The following CSMD1 variants were observed in gnomAD, a reference collection of about 807,000 sequenced individuals.
CSMD1 encodes the protein CUB and sushi domain-containing protein 1.
CSMD1 carries 213 observed loss-of-function variants against 417.5 expected under a neutral mutation model. That is an observed-to-expected ratio of 0.51 (90% CI 0.46 to 0.57). The LOEUF (loss-of-function observed/expected upper bound fraction) is 0.57, where lower values mean the gene tolerates loss of function less well. Among genes scored for constraint, CSMD1 ranks in the 20% least tolerant of loss-of-function variants. The probability of loss-of-function intolerance (pLI) is 0.00; values close to 1 mark genes in which losing one functional copy is unlikely to be tolerated. For missense variants in CSMD1, 6,923 were observed against 4,529.7 expected, an observed-to-expected ratio of 1.53 and a Z score of -15.17; for synonymous variants, 2,862 against 1,736.8, an observed-to-expected ratio of 1.65 and a Z score of -16.11.
At chr8:4,291,134 G>C (rs1196529642) in intron 3 of CSMD1, among the ~76,000 whole-genome samples, 2 of 152,054 alleles carry the variant, frequency 1.3e-5, no homozygotes, top group East Asian at 1.9e-4. Context: ...AGGAATCTGA[G>C]TCTTAATATG....
intron 10 of CSMD1, among the ~76,000 whole-genome samples, chr8:3,502,652 G>C (rs971499971): frequency 2.6e-5 from 4 of 152,108 alleles, no homozygotes; most frequent in Non-Finnish European, 4.4e-5. Flanking sequence ...ATGACATTTC[G>C]GAGAAGGCAG....
At chr8:4,503,592 A>T (rs572669559) in intron 2 of CSMD1, among the ~76,000 whole-genome samples, 5 of 152,314 alleles carry the variant, frequency 3.3e-5, no homozygotes, top group Non-Finnish European at 5.9e-5. Flanking sequence ...AAATAAAAAT[A>T]ACTGCATTGA....
At position 3,660,555 on chromosome 8, in the gene CSMD1, C is replaced by T. The variant is rs1415174448; in HGVS notation, c.1010-43758G>A. On this transcript the variant is annotated intron_variant, in intron 7 of 69. Transcript: ENST00000635120. ...TTTTTTTTTGAAAAAAAACAAGGCC[C>T]TGCAGTCCAGGCAAGAGTGCAGTGG... is the stretch of plus-strand genomic sequence containing the variant. 2.4e-5 allele frequency among the ~76,000 whole-genome samples: 3 copies of T among 126,900 alleles called. 1 individual carries two copies. Among genetic ancestry groups the T allele is most frequent in the African/African-American group, 9.4e-5 (3 of 31,816 alleles). The allele number at this position is 126,900 out of a possible 152,430, so 83.3% of individuals were successfully genotyped here.
intron 12 of CSMD1, among the ~76,000 whole-genome samples, chr8:3,424,394 A>C (rs1813689797): frequency 6.6e-6 from 1 of 152,232 alleles, no homozygotes; most frequent in Non-Finnish European, 1.5e-5. Context: ...TACTGCATTC[A>C]TTGAGAGTGT....
At chr8:3,768,254 T>C (rs1045580455) in intron 5 of CSMD1, among the ~76,000 whole-genome samples, 3 of 152,114 alleles carry the variant, frequency 2.0e-5, no homozygotes, top group Admixed American at 6.5e-5. Context: ...CGGAGACGTA[T>C]TCCCGGGCCA....
chr8:4,412,152 G>A (rs573513648), intron 3 of CSMD1, among the ~76,000 whole-genome samples: 1 of 152,196 alleles, frequency 6.6e-6, no homozygotes, highest in South Asian at 2.1e-4. Context: ...ATATCTCAAT[G>A]TGCCTCTGAT....
At chr8:4,010,764 G>A (rs1032270933) in intron 4 of CSMD1, among the ~76,000 whole-genome samples, 6 of 152,090 alleles carry the variant, frequency 3.9e-5, no homozygotes, top group African/African-American at 1.2e-4. Flanking sequence ...ATGGCCTAAT[G>A]CACTTCCTTG....
At chr8:4,805,846 T>C (rs1396396455) in intron 1 of CSMD1, among the ~76,000 whole-genome samples, 1 of 152,114 alleles carries the variant, frequency 6.6e-6, no homozygotes, top group South Asian at 2.1e-4. Context: ...AAGCTCATTG[T>C]GGGATGCAGC....
Position 3,594,591 on chromosome 8 carries a change from G to C in CSMD1, c.1098-8331C>G, listed in dbSNP as rs534871955. ...CTATCTCCTACCTTCCTGTTTTGAA[G>C]TTGCACGGTGTCCTTCCCCAGTAGA... On this transcript the variant is annotated intron_variant, in intron 8 of 69. Transcript: ENST00000635120. Among the ~76,000 whole-genome samples the C allele has an allele frequency of 1.4e-4, 22 of 152,272 alleles. 1 individual carries two copies. In the South Asian group the frequency reaches 4.1e-3, roughly 29 times the overall value.
At chr8:3,890,773 C>A (rs1233902828) in intron 5 of CSMD1, among the ~76,000 whole-genome samples, 2 of 152,062 alleles carry the variant, frequency 1.3e-5, no homozygotes, top group Non-Finnish European at 2.9e-5. Context: ...AATGTTTGAG[C>A]AAATTTTTGT....
intron 2 of CSMD1, among the ~76,000 whole-genome samples, chr8:4,570,982 G>C (rs918691422): frequency 2.0e-5 from 3 of 152,048 alleles, no homozygotes; most frequent in African/African-American, 7.2e-5. Flanking sequence ...TGGGATTGGT[G>C]GTGATATCCC....
intron 5 of CSMD1, among the ~76,000 whole-genome samples, chr8:3,838,706 TA>T: frequency 1.0e-5 from 1 of 96,104 alleles, no homozygotes; most frequent in East Asian, 3.2e-4. Flanking sequence ...AAATATTATA[TA>T]GTATAATATA....
chr8:4,013,699 T>C (rs190665075), intron 4 of CSMD1, among the ~76,000 whole-genome samples: 1 of 152,238 alleles, frequency 6.6e-6, no homozygotes. Flanking sequence ...TTGTTCATAT[T>C]GTAGCCCCAG....
chr8:3,499,167 G>A (rs955434461), intron 10 of CSMD1, among the ~76,000 whole-genome samples: 6 of 152,158 alleles, frequency 3.9e-5, no homozygotes, highest in Admixed American at 6.5e-5. Flanking sequence ...TCCTGTAGAT[G>A]TGTCTCATAG....
chr8:4,446,737 G>GTGTGTGTGTGTGTGTGTC (rs879914690), intron 2 of CSMD1, among the ~76,000 whole-genome samples: 1 of 123,592 alleles, frequency 8.1e-6, no homozygotes, highest in African/African-American at 3.3e-5. Flanking sequence ...GTGTGTCTGT[G>GTGTGTGTGTGTGTGTGTC]TGTGTGTGTG....
chr8:3,040,544 C>A (rs1207299921), intron 50 of CSMD1, among the ~76,000 whole-genome samples: 2 of 151,788 alleles, frequency 1.3e-5, no homozygotes, highest in East Asian at 3.9e-4. Context: ...GTGGCTCATG[C>A]CTGTAATCCC....
At chr8:3,453,336 T>C (rs1021231748) in intron 12 of CSMD1, among the ~76,000 whole-genome samples, 3 of 152,224 alleles carry the variant, frequency 2.0e-5, no homozygotes, top group Non-Finnish European at 2.9e-5. Context: ...ATCTTAGTTA[T>C]TTCTCACCTT....
At chr8:3,744,880 G>C (rs537325001) in intron 6 of CSMD1, among the ~76,000 whole-genome samples, 3 of 152,292 alleles carry the variant, frequency 2.0e-5, no homozygotes, top group South Asian at 2.1e-4. Flanking sequence ...GTAAGGGATG[G>C]TGTTCAAACA....
intron 3 of CSMD1, among the ~76,000 whole-genome samples, chr8:4,138,688 T>A (rs1256583491): frequency 2.6e-5 from 4 of 152,212 alleles, no homozygotes; most frequent in Non-Finnish European, 5.9e-5. Context: ...AGTTAAATTG[T>A]AATGAATTCA....
Sources: gnomAD v4.1 joint callset for allele counts (sites outside exome capture counted in the v4.1 genomes callset) on GRCh38, gnomAD v4.1.1 for gene constraint, MANE v1.5 for transcripts, NCBI Gene and HGNC (gene_info 2026-07-23, HGNC 2026-07-21) for gene names.